FAM117A: variants seen among roughly 807,000 people sequenced by gnomAD.
FAM117A encodes the protein protein FAM117A.
In FAM117A, 21 loss-of-function variants were observed where a neutral mutation model predicts 44.1. The ratio of observed to expected loss-of-function variants is 0.48; its 90% CI spans 0.34 to 0.69. The LOEUF (loss-of-function observed/expected upper bound fraction) is 0.69, where lower values mean the gene tolerates loss of function less well. Ranked by LOEUF, FAM117A falls within the 30% of genes least tolerant of loss-of-function variation. The pLI is 0.01. For missense variants in FAM117A, 498 were observed against 589.9 expected, an observed-to-expected ratio of 0.84 and a Z score of 1.61; for synonymous variants, 220 against 238.3, an observed-to-expected ratio of 0.92 and a Z score of 0.71.
intron 2 of FAM117A, among the ~76,000 whole-genome samples, chr17:49,725,745 G>A (rs1331829379): frequency 6.6e-6 from 1 of 152,166 alleles, no homozygotes. Context: ...TCAAAGATGA[G>A]GAACCTATAA....
At chr17:49,742,265 T>C (rs779355858) in intron 1 of FAM117A, among the ~76,000 whole-genome samples, 2 of 152,188 alleles carry the variant, frequency 1.3e-5, no homozygotes, top group Non-Finnish European at 2.9e-5. Context: ...TGTGTCCGAC[T>C]TCCCAAGATG....
At chr17:49,721,919 T>C (rs2073536333) in intron 3 of FAM117A, among the ~76,000 whole-genome samples, 1 of 150,598 alleles carries the variant, frequency 6.6e-6, no homozygotes, top group Non-Finnish European at 1.5e-5. Context: ...GTGAAACCCA[T>C]CTCTACTAAA....
At chr17:49,732,280 C>T in intron 2 of FAM117A, 1 of 289,282 alleles carries the variant, frequency 3.5e-6, no homozygotes, top group Non-Finnish European at 6.7e-6. Context: ...TAGCAGGCAC[C>T]TGTAATCCCA....
At chr17:49,732,400 G>A (rs2073589364) in intron 2 of FAM117A, 151 bp downstream of exon 2, 1 of 734,552 alleles carries the variant, frequency 1.4e-6, no homozygotes, top group South Asian at 1.9e-5. Flanking sequence ...AGGAAACTCT[G>A]TCTTAAGAAG....
intron 1 of FAM117A, among the ~76,000 whole-genome samples, chr17:49,749,575 CA>C (rs1167215497): frequency 0.12 from 5,327 of 45,896 alleles, 100 homozygotes; most frequent in East Asian, 0.3. Context: ...GACTCCGTCT[CA>C]AAAAAAAAAA....
intron 1 of FAM117A, among the ~76,000 whole-genome samples, chr17:49,778,536 A>T (rs2073781136): frequency 6.6e-6 from 1 of 152,204 alleles, no homozygotes; most frequent in South Asian, 2.1e-4. Flanking sequence ...ATCAATTCAG[A>T]TTACTTTCCC....
chr17:49,732,654 C>A lies in FAM117A; in HGVS notation c.263G>T (p.Arg88Leu), dbSNP rs141538086. 15 of 1,614,100 alleles carry A rather than the reference C, an allele frequency of 9.3e-6. No homozygotes were observed. The highest frequency in any genetic ancestry group is 1.3e-5 in the Non-Finnish European group (15 of 1,180,010). ...VCRPQPLQVRRTFSLDTILSS... is the reference protein window; with the variant it reads ...VCRPQPLQVRLTFSLDTILSS... ...GAGGATGGTGTCCAGGGAGAATGTA[C>A]GCCGGACCTGAAGTGGCTGAGGCCT... The change falls in exon 2 of 8, where the codon CGT becomes CTT. Residue 88 changes from arginine to leucine, a missense_variant. Physicochemically the swap from Arg to Leu is moderately radical, Grantham distance 102. Transcript: ENST00000240364.
At chr17:49,720,045 T>G in intron 4 of FAM117A, 151 bp from the exon 5 acceptor site, 1 of 1,122,050 alleles carries the variant, frequency 8.9e-7, no homozygotes, top group Non-Finnish European at 1.2e-6. Context: ...ATAGGTCCAC[T>G]CAGGGCAGTT....
intron 1 of FAM117A, among the ~76,000 whole-genome samples, chr17:49,777,984 G>T (rs1273718792): frequency 2.0e-5 from 3 of 152,174 alleles, no homozygotes; most frequent in Admixed American, 2.0e-4. Flanking sequence ...CTTAGAATTT[G>T]GTCCTTCCTG....
In FAM117A at chr17:49,711,460, A is replaced by G. The variant is rs2073478049; in HGVS notation, c.1157T>C (p.Leu386Pro). The change falls in exon 8 of 8, where the codon CTG (leucine) becomes CCG (proline). Residue 386 changes from leucine to proline, a missense_variant. Physicochemically the swap from Leu to Pro is moderately conservative, Grantham distance 98. Transcript: ENST00000240364. ...PTGSAFCPVN[L>P]MKPLFPGMGF... ...CATGCCGGGGAAGAGGGGCTTCATCAGGTTGACGGGGCAGAAGGCTGAGCC... is the reference window on the plus strand; with the variant it reads ...CATGCCGGGGAAGAGGGGCTTCATCGGGTTGACGGGGCAGAAGGCTGAGCC... The G allele has an allele frequency of 6.2e-7, 1 of 1,614,076 alleles. No homozygotes were observed. Among genetic ancestry groups the G allele is most frequent in the East Asian group, 2.2e-5 (1 of 44,866 alleles).
intron 1 of FAM117A, among the ~76,000 whole-genome samples, chr17:49,735,881 C>T (rs894104465): frequency 2.0e-5 from 3 of 152,192 alleles, no homozygotes; most frequent in African/African-American, 7.2e-5. Flanking sequence ...AGTTCTAGAT[C>T]ATTCTCACTC....
intron 1 of FAM117A, among the ~76,000 whole-genome samples, chr17:49,785,248 A>C (rs79342774): frequency 0.023 from 3,488 of 152,312 alleles, 147 homozygotes; most frequent in African/African-American, 0.08. Flanking sequence ...GGCATGGCTC[A>C]TGCCTGTAAT....
chr17:49,758,713 C>T (rs948377805), intron 1 of FAM117A, among the ~76,000 whole-genome samples: 1 of 151,386 alleles, frequency 6.6e-6, no homozygotes, highest in African/African-American at 2.4e-5. Context: ...TGTGGAGTAA[C>T]GGTAAGCCCA....
chr17:49,763,682 T>TC (rs1485830997), intron 1 of FAM117A, among the ~76,000 whole-genome samples: 1 of 150,814 alleles, frequency 6.6e-6, no homozygotes, highest in Non-Finnish European at 1.5e-5. Context: ...GGGACCCGAC[T>TC]CCCCGCACAC....
At chr17:49,776,545 G>C (rs138744606) in intron 1 of FAM117A, among the ~76,000 whole-genome samples, 1 of 152,334 alleles carries the variant, frequency 6.6e-6, no homozygotes, top group East Asian at 1.9e-4. Flanking sequence ...TGGTATAGGA[G>C]TTGAACTATT....
At chr17:49,744,038 C>T (rs1366379268) in intron 1 of FAM117A, among the ~76,000 whole-genome samples, 1 of 152,052 alleles carries the variant, frequency 6.6e-6, no homozygotes, top group East Asian at 1.9e-4. Flanking sequence ...TTCGGATAAT[C>T]AAAATAATTT....
chr17:49,756,688 G>A (rs1025134012), intron 1 of FAM117A, among the ~76,000 whole-genome samples: 1 of 151,922 alleles, frequency 6.6e-6, no homozygotes, highest in Admixed American at 6.6e-5. Context: ...GGCCAAGGCA[G>A]GGGGATCACT....
intron 1 of FAM117A, among the ~76,000 whole-genome samples, chr17:49,779,305 T>TA (rs1170945830): frequency 1.3e-5 from 2 of 152,224 alleles, no homozygotes; most frequent in African/African-American, 4.8e-5. Flanking sequence ...TAATGCTACT[T>TA]ACAGTTGTCT....
Position 49,737,901 on chromosome 17 carries a change from C to G in FAM117A, c.197-5181G>C, listed in dbSNP as rs577700722. Among the ~76,000 whole-genome samples, 4 of 152,300 alleles carry G rather than the reference C, an allele frequency of 2.6e-5. No individual in the cohort carries two copies. The East Asian group carries it at 7.7e-4, about 29-fold the overall frequency. On this transcript the variant is annotated intron_variant, in intron 1 of 7. Transcript: ENST00000240364. ...CAACTACTCACTGAGGCTCACATCC[C>G]TCTTCTATCAGGGACACCCTCTGAG... is the stretch of plus-strand genomic sequence containing the variant.
Sources: allele counts gnomAD v4.1 joint callset (sites outside exome capture counted in the v4.1 genomes callset), GRCh38; gene constraint gnomAD v4.1.1; transcripts MANE v1.5; gene names NCBI Gene and HGNC (gene_info 2026-07-23, HGNC 2026-07-21).